TRABD2B: variants seen among roughly 807,000 people sequenced by gnomAD.
TRABD2B encodes the protein TraB domain containing 2B, also known as metalloprotease TIKI2.
A neutral mutation model predicts 40.1 loss-of-function variants in TRABD2B; 14 were observed. That is an observed-to-expected ratio of 0.35 (90% CI 0.23 to 0.55). TRABD2B has a LOEUF of 0.55. Ranked by LOEUF, TRABD2B falls within the 20% of genes least tolerant of loss-of-function variation. TRABD2B has a pLI of 0.90. For synonymous variants in TRABD2B, 263 were observed against 277.0 expected, an observed-to-expected ratio of 0.95 and a Z score of 0.50; for missense variants, 541 against 648.6, an observed-to-expected ratio of 0.83 and a Z score of 1.80.
chr1:47,829,339 G>C (rs1187903051), intron 2 of TRABD2B, among the ~76,000 whole-genome samples: 1 of 152,086 alleles, frequency 6.6e-6, no homozygotes, highest in Admixed American at 6.6e-5. Flanking sequence ...GCTCAGTTAG[G>C]GCAGGCTGTG....
At chr1:47,931,072 G>A (rs867518357) in intron 2 of TRABD2B, among the ~76,000 whole-genome samples, 11 of 152,126 alleles carry the variant, frequency 7.2e-5, no homozygotes, top group Admixed American at 1.3e-4. Context: ...CTGTATTATC[G>A]ACTGCTCTAT....
At chr1:47,909,623 C>T (rs1010563569) in intron 2 of TRABD2B, among the ~76,000 whole-genome samples, 21 of 148,240 alleles carry the variant, frequency 1.4e-4, no homozygotes, top group African/African-American at 3.2e-4. Flanking sequence ...TTTAAACGAC[C>T]GGATCTCATG....
intron 2 of TRABD2B, among the ~76,000 whole-genome samples, chr1:47,939,288 G>C (rs999394630): frequency 1.3e-5 from 2 of 152,162 alleles, no homozygotes; most frequent in African/African-American, 4.8e-5. Flanking sequence ...ACAATGAAGA[G>C]AAGACATTCA....
chr1:47,891,070 A>G (rs562432847), intron 2 of TRABD2B, among the ~76,000 whole-genome samples: 2 of 152,368 alleles, frequency 1.3e-5, no homozygotes, highest in East Asian at 3.9e-4. Context: ...ATAACCTTGG[A>G]CAAGTTGCTT....
chr1:47,844,425 C>G (rs1645440779), intron 2 of TRABD2B, among the ~76,000 whole-genome samples: 1 of 152,172 alleles, frequency 6.6e-6, no homozygotes, highest in Non-Finnish European at 1.5e-5. Context: ...TTTTCTGTGT[C>G]CTCTGATCAC....
chr1:47,879,733 G>C (rs374356046), intron 2 of TRABD2B, among the ~76,000 whole-genome samples: 8 of 152,358 alleles, frequency 5.3e-5, no homozygotes, highest in African/African-American at 1.7e-4. Context: ...AAAAGAGACA[G>C]CTCATTTAGA....
Position 47,886,007 on chromosome 1 carries a change from T to C in TRABD2B, c.667-84388A>G, listed in dbSNP as rs74867506. On this transcript the variant is annotated intron_variant, in intron 2 of 6. Coordinates refer to ENST00000606738, the MANE Select transcript of TRABD2B (RefSeq NM_001194986.2). ...CCTTCAGGCATATGGCTGAAGAGAATCTTTATTTTGTAGCTATTGGATAAG... is the reference window on the plus strand; with the variant it reads ...CCTTCAGGCATATGGCTGAAGAGAACCTTTATTTTGTAGCTATTGGATAAG... Among the ~76,000 whole-genome samples the C allele has an allele frequency of 4.6e-4, 70 of 152,300 alleles. 1 individual carries two copies. The East Asian group carries it at 0.012, about 26-fold the overall frequency.
intron 2 of TRABD2B, among the ~76,000 whole-genome samples, chr1:47,806,018 G>A (rs933646495): frequency 2.6e-5 from 4 of 152,182 alleles, no homozygotes; most frequent in Non-Finnish European, 5.9e-5. Flanking sequence ...AACCAAAGAA[G>A]CAGAAGGGAG....
intron 2 of TRABD2B, among the ~76,000 whole-genome samples, chr1:47,992,987 G>C (rs1241952057): frequency 6.6e-6 from 1 of 152,242 alleles, no homozygotes; most frequent in Non-Finnish European, 1.5e-5. Context: ...AAGGGGATCA[G>C]TTTCTGCCGC....
intron 2 of TRABD2B, among the ~76,000 whole-genome samples, chr1:47,823,053 C>T (rs777798070): frequency 3.3e-5 from 5 of 152,246 alleles, no homozygotes; most frequent in Non-Finnish European, 7.3e-5. Flanking sequence ...GCTGGTGAGG[C>T]ATTCAGGGCA....
intron 2 of TRABD2B, among the ~76,000 whole-genome samples, chr1:47,891,494 AT>A (rs1644444669): frequency 1.3e-5 from 2 of 152,162 alleles, no homozygotes; most frequent in East Asian, 3.9e-4. Flanking sequence ...AGGCAAGAAT[AT>A]GTTTTGTGTG....
intron 2 of TRABD2B, among the ~76,000 whole-genome samples, chr1:47,897,356 G>A (rs1438088574): frequency 6.6e-6 from 1 of 152,114 alleles, no homozygotes; most frequent in East Asian, 1.9e-4. Context: ...CTTGTAGGCT[G>A]CTGTACTGCA....
intron 4 of TRABD2B, among the ~76,000 whole-genome samples, chr1:47,791,782 C>T (rs1318297323): frequency 2.6e-5 from 4 of 152,222 alleles, no homozygotes; most frequent in African/African-American, 9.7e-5. Flanking sequence ...CTCACCACAG[C>T]TTTCATGCGG....
intron 4 of TRABD2B, among the ~76,000 whole-genome samples, chr1:47,781,052 G>A (rs1451316890): frequency 1.3e-5 from 2 of 152,258 alleles, no homozygotes; most frequent in African/African-American, 4.8e-5. Context: ...GCAGTACTGA[G>A]TGATGGGCTG....
chr1:47,947,722 C>T (rs961150492), intron 2 of TRABD2B, among the ~76,000 whole-genome samples: 7 of 152,296 alleles, frequency 4.6e-5, no homozygotes, highest in East Asian at 1.9e-4. Flanking sequence ...AGTGTCATGA[C>T]GCTGATGCTG....
intron 2 of TRABD2B, among the ~76,000 whole-genome samples, chr1:47,920,279 T>C (rs776708134): frequency 3.3e-5 from 5 of 152,332 alleles, no homozygotes; most frequent in South Asian, 4.1e-4. Flanking sequence ...CAAAGTCACA[T>C]AGCAAGTCAA....
At chr1:47,821,497 C>A (rs1448633604) in intron 2 of TRABD2B, among the ~76,000 whole-genome samples, 1 of 152,200 alleles carries the variant, frequency 6.6e-6, no homozygotes, top group Non-Finnish European at 1.5e-5. Flanking sequence ...CTGGAAGGAA[C>A]CCGATTGTTT....
At position 47,959,965 on chromosome 1, in the gene TRABD2B, T is replaced by C. The variant is rs573701968; in HGVS notation, c.666+34069A>G. On this transcript the variant is annotated intron_variant, in intron 2 of 6. Transcript: ENST00000606738. Reference sequence around the variant, plus strand: ...TGAATATCGATGCAAAAATCCTCAATAAAATACTGGCAAACCGAATCCAGC... The same window carrying C: ...TGAATATCGATGCAAAAATCCTCAACAAAATACTGGCAAACCGAATCCAGC... 3.9e-5 allele frequency among the ~76,000 whole-genome samples: 6 copies of C among 152,284 alleles called. No homozygotes were observed. In the East Asian group the frequency reaches 1.2e-3, roughly 29 times the overall value.
At chr1:47,879,872 G>A (rs1644277857) in intron 2 of TRABD2B, among the ~76,000 whole-genome samples, 1 of 152,240 alleles carries the variant, frequency 6.6e-6, no homozygotes, top group African/African-American at 2.4e-5. Context: ...ACAGGGAGCT[G>A]TGGGGAGGCC....
Sources: allele counts gnomAD v4.1 joint callset (sites outside exome capture counted in the v4.1 genomes callset), GRCh38; gene constraint gnomAD v4.1.1; transcripts MANE v1.5; gene names NCBI Gene and HGNC (gene_info 2026-07-23, HGNC 2026-07-21).